Variants in EML4 observed in about 807,000 individuals in gnomAD.
The protein encoded by EML4 is echinoderm microtubule-associated protein-like 4.
EML4 carries 72 observed loss-of-function variants against 129.0 expected under a neutral mutation model. That is an observed-to-expected ratio of 0.56 (90% CI 0.46 to 0.68). The LOEUF (loss-of-function observed/expected upper bound fraction) is 0.68, where lower values mean the gene tolerates loss of function less well. EML4 is among the 30% of genes least tolerant of loss of function. The pLI is 0.00. For synonymous variants in EML4, 532 were observed against 405.0 expected, an observed-to-expected ratio of 1.31 and a Z score of -3.77; for missense variants, 1,363 against 1,190.6, an observed-to-expected ratio of 1.14 and a Z score of -2.13.
At chr2:42,245,359 G>T (rs1179574461) in intron 1 of EML4, 146 bp from the exon 2 acceptor site, 8 of 698,168 alleles carry the variant, frequency 1.1e-5, no homozygotes, top group Non-Finnish European at 1.9e-5. Flanking sequence ...GCCCCTCAAA[G>T]TTCTGGAAGT....
intron 1 of EML4, among the ~76,000 whole-genome samples, chr2:42,214,287 T>C (rs1020468113): frequency 2.8e-4 from 42 of 152,184 alleles, no homozygotes; most frequent in Non-Finnish European, 5.9e-4. Context: ...AAAAAATTAA[T>C]GGTTTTAAAA....
intron 1 of EML4, among the ~76,000 whole-genome samples, chr2:42,215,571 G>T (rs1405643311): frequency 6.6e-6 from 1 of 151,806 alleles, no homozygotes; most frequent in East Asian, 1.9e-4. Flanking sequence ...ATTTTGCAGT[G>T]AATACCTAAT....
At chr2:42,173,400 G>A (rs1446727520) in intron 1 of EML4, among the ~76,000 whole-genome samples, 2 of 152,068 alleles carry the variant, frequency 1.3e-5, no homozygotes, top group African/African-American at 2.4e-5. Flanking sequence ...TAAATGGTTA[G>A]TAGAGCATCT....
Position 42,201,952 on chromosome 2 carries a change from G to T in EML4, c.25+32316G>T, listed in dbSNP as rs941645931. ...CAAAAAATTAGCCGGGTGTGGTGCTGCGCACCTGTAATCCCAGCTCCTCAG... is the reference window on the plus strand; with the variant it reads ...CAAAAAATTAGCCGGGTGTGGTGCTTCGCACCTGTAATCCCAGCTCCTCAG... On this transcript the variant is annotated intron_variant, in intron 1 of 22. Transcript: ENST00000318522. 5.9e-5 allele frequency among the ~76,000 whole-genome samples: 9 copies of T among 152,144 alleles called. No homozygotes were observed. In the East Asian group the frequency reaches 1.7e-3, roughly 29 times the overall value.
chr2:42,224,361 G>C (rs1673813716), intron 1 of EML4, among the ~76,000 whole-genome samples: 1 of 152,128 alleles, frequency 6.6e-6, no homozygotes, highest in Non-Finnish European at 1.5e-5. Flanking sequence ...TTTCATCCAT[G>C]TTGCAGCATG....
intron 1 of EML4, among the ~76,000 whole-genome samples, chr2:42,224,958 C>CA (rs1186259061): frequency 1.3e-5 from 2 of 152,060 alleles, no homozygotes; most frequent in African/African-American, 4.8e-5. Flanking sequence ...TCTTCTGTTT[C>CA]AATGAATTTG....
chr2:42,170,849 C>G (rs1670230432), intron 1 of EML4, among the ~76,000 whole-genome samples: 2 of 152,200 alleles, frequency 1.3e-5, no homozygotes, highest in Non-Finnish European at 2.9e-5. Context: ...ATAGGCCGTA[C>G]TATATCCAGA....
chr2:42,178,816 A>G (rs1572832820), intron 1 of EML4, among the ~76,000 whole-genome samples: 2 of 152,174 alleles, frequency 1.3e-5, no homozygotes, highest in East Asian at 3.8e-4. Flanking sequence ...TCTAAAGTGG[A>G]GGGGGCTGAG....
intron 1 of EML4, among the ~76,000 whole-genome samples, 195 bp from the exon 2 acceptor site, chr2:42,245,310 G>A (rs981847274): frequency 4.6e-5 from 7 of 151,478 alleles, no homozygotes; most frequent in Admixed American, 2.6e-4. Context: ...TGGCCATGCT[G>A]GTCTCCAACT....
At chr2:42,232,806 G>T (rs1293490238) in intron 1 of EML4, among the ~76,000 whole-genome samples, 1 of 152,068 alleles carries the variant, frequency 6.6e-6, no homozygotes, top group African/African-American at 2.4e-5. Context: ...CTCACTGCAA[G>T]CTCCGCCTCC....
intron 1 of EML4, among the ~76,000 whole-genome samples, chr2:42,182,467 A>C (rs1343932628): frequency 6.6e-6 from 1 of 151,952 alleles, no homozygotes; most frequent in Non-Finnish European, 1.5e-5. Flanking sequence ...GATACCCTGC[A>C]CTAAACTGAC....
rs540267017 is a variant in EML4 at position 42,256,320 on chromosome 2, A to C, written c.209-181A>C. ...CTATAGGTCTGTTTCGATGGGATTA[A>C]GTCTTGAGACAGTATCATGTGCTGC... On this transcript the variant is annotated intron_variant, in intron 2 of 22. Transcript: ENST00000318522. Among the ~76,000 whole-genome samples the C allele has an allele frequency of 5.0e-4, 76 of 152,320 alleles. 1 individual carries two copies. The highest frequency in any genetic ancestry group is 9.3e-4 in the Non-Finnish European group (63 of 68,026).
rs915622197 is a variant in EML4, at chr2:42,331,988, T to C, written c.*1781T>C. ...AAGAAGAGAGATTCCAAGCAACCCA[T>C]CTTTCTTCAGTATGTATGTTCTGTA... On this transcript the variant is annotated 3_prime_UTR_variant, in exon 23 of 23. Transcript: ENST00000318522. 6.9e-5 allele frequency: 15 copies of C among 218,692 alleles called. No homozygotes were observed. The highest frequency in any genetic ancestry group is 3.4e-4 in the African/African-American group (15 of 44,454). 13.5% of individuals were successfully genotyped at this position (218,692 alleles called of 1,614,324 possible).
chr2:42,258,029 G>T (rs1665453014), intron 3 of EML4, among the ~76,000 whole-genome samples: 1 of 152,158 alleles, frequency 6.6e-6, no homozygotes, highest in Non-Finnish European at 1.5e-5. Flanking sequence ...TCCAGTAGTG[G>T]TTCAGATTCA....
intron 22 of EML4, 107 bp from the exon 23 acceptor site, chr2:42,329,627 C>A: frequency 1.2e-6 from 1 of 835,282 alleles, no homozygotes. Flanking sequence ...ATTGGATTGC[C>A]CATTTCACAA....
chr2:42,225,961 C>T (rs1250727912), intron 1 of EML4, among the ~76,000 whole-genome samples: 1 of 152,042 alleles, frequency 6.6e-6, no homozygotes, highest in Non-Finnish European at 1.5e-5. Flanking sequence ...AAATATTTTA[C>T]AAACATCTAA....
intron 2 of EML4, among the ~76,000 whole-genome samples, chr2:42,251,751 ATC>A (rs1675784286): frequency 6.6e-6 from 1 of 152,250 alleles, no homozygotes; most frequent in South Asian, 2.1e-4. Context: ...CAACTAGACT[ATC>A]TCTACCCTTC....
At position 42,304,495 on chromosome 2, in the gene EML4, CTG is replaced by C. The variant is rs777112375; in HGVS notation, c.1914_1915del (p.Ala639ArgfsTer37). Reference protein sequence around the residue: ...WTRLVDEPGHCADFHPSGTVV... With the variant: ...WTRLVDEPGHXADFHPSGTVV... ...TGTCTCTTTTCTAGGAACCAGGACA[CTG>C]TGCAGATTTTCATCCAAGTGGCACA... On this transcript the variant is annotated frameshift_variant, in exon 17 of 23. Transcript: ENST00000318522. LOFTEE classifies it high-confidence loss of function. The C allele has an allele frequency of 1.2e-6, 2 of 1,614,046 alleles. No homozygotes were observed. Among genetic ancestry groups the C allele is most frequent in the Non-Finnish European group, 1.7e-6 (2 of 1,179,928 alleles).
At chr2:42,260,736 C>G (rs999721518) in intron 3 of EML4, among the ~76,000 whole-genome samples, 1 of 152,130 alleles carries the variant, frequency 6.6e-6, no homozygotes, top group Non-Finnish European at 1.5e-5. Flanking sequence ...ACCTATTAAA[C>G]ATGAATATTT....
Sources: allele counts gnomAD v4.1 joint callset (sites outside exome capture counted in the v4.1 genomes callset), GRCh38; gene constraint gnomAD v4.1.1; transcripts MANE v1.5; gene names NCBI Gene and HGNC (gene_info 2026-07-23, HGNC 2026-07-21).